The following CACNB4 variants were observed in gnomAD, a reference collection of about 807,000 sequenced individuals.
CACNB4 encodes the protein calcium voltage-gated channel auxiliary subunit beta 4.
A neutral mutation model predicts 71.2 loss-of-function variants in CACNB4; 32 were observed. That is an observed-to-expected ratio of 0.45 (90% confidence interval 0.34 to 0.60). CACNB4 has a LOEUF of 0.60. Ranked by LOEUF, CACNB4 falls within the 20% of genes least tolerant of loss-of-function variation. The probability of loss-of-function intolerance (pLI) is 0.01; values close to 1 mark genes in which losing one functional copy is unlikely to be tolerated. For synonymous variants in CACNB4, 231 were observed against 236.9 expected (o/e 0.97, Z 0.23); for missense variants, 464 against 647.9 (o/e 0.72, Z 3.08).
At chr2:151,978,405 G>A (rs994283523) in intron 2 of CACNB4, among the ~76,000 whole-genome samples, 3 of 152,042 alleles carry the variant, frequency 2.0e-5, no homozygotes, top group African/African-American at 7.2e-5. Flanking sequence ...CCATGTGAAT[G>A]GTCCTCCCTG....
In CACNB4 at chr2:152,026,543, C is replaced by T. The variant is rs1290603275; in HGVS notation, c.147+71787G>A. The stretch of plus-strand genomic sequence containing the variant: ...GGGAATACAGGTGCATGCCACCACG[C>T]GCAGCTAATTTTTGTACTTTTAGCA... On this transcript the variant is annotated intron_variant, in intron 2 of 13. Transcript: ENST00000539935. 2.0e-5 allele frequency among the ~76,000 whole-genome samples: 3 copies of T among 152,046 alleles called. No individual in the cohort carries two copies. The East Asian group carries it at 5.8e-4, about 29-fold the overall frequency.
At chr2:151,969,553 C>T (rs1206403261) in intron 2 of CACNB4, 1 of 152,162 alleles carries the variant, frequency 6.6e-6, no homozygotes, top group East Asian at 1.9e-4. Context: ...AAAAGCTCCA[C>T]AGTAGACATC....
At chr2:151,847,408 A>G (rs1342236122) in intron 12 of CACNB4, among the ~76,000 whole-genome samples, 1 of 152,140 alleles carries the variant, frequency 6.6e-6, no homozygotes, top group Non-Finnish European at 1.5e-5. Flanking sequence ...AAGACTGGCA[A>G]GTACTGTTCA....
intron 2 of CACNB4, among the ~76,000 whole-genome samples, chr2:152,081,826 A>G (rs991621533): frequency 6.6e-6 from 1 of 152,256 alleles, no homozygotes; most frequent in Non-Finnish European, 1.5e-5. Context: ...TCATCTTTGC[A>G]ATAAAGGCAA....
rs540038350 is a variant in CACNB4, at chr2:151,847,264, C to A, written c.1117-5176G>T. On this transcript the variant is annotated intron_variant, in intron 12 of 13. Coordinates refer to ENST00000539935, the MANE Select transcript of CACNB4 (RefSeq NM_000726.5). ...GCTTAGTGGCATATTCCTATGGACC[C>A]AGCTACTGGGGAGGCTGAGGTAGAA... 4.6e-5 allele frequency among the ~76,000 whole-genome samples: 7 copies of A among 152,126 alleles called. No individual in the cohort carries two copies. The East Asian group carries it at 1.4e-3, about 29-fold the overall frequency.
Position 152,098,584 on chromosome 2 carries a change from ACT to A in CACNB4, c.64-173_64-172del. ...ATACAGCCCCCACCCCCACCCACCC[ACT>A]GCAAGCCTCGACTGCTGAAAAGATG... On this transcript the variant is annotated intron_variant, in intron 1 of 13. Coordinates refer to ENST00000539935, the MANE Select transcript of CACNB4 (RefSeq NM_000726.5). This position sits in a 1 kb window ranked among gnomAD's most constrained non-coding sequence, Gnocchi z 5.3. 3 of 479,634 alleles carry A rather than the reference ACT, an allele frequency of 6.3e-6. No homozygotes were observed. Among genetic ancestry groups the A allele is most frequent in the Non-Finnish European group, 1.1e-5 (3 of 263,192 alleles). The allele number at this position is 479,634 out of a possible 1,614,324, so 29.7% of individuals were successfully genotyped here. A position where few individuals can be genotyped will look rare whatever the true frequency, so the allele number is the denominator to read the frequency against.
intron 2 of CACNB4, among the ~76,000 whole-genome samples, chr2:151,929,461 A>G (rs2099861093): frequency 6.6e-6 from 1 of 152,238 alleles, no homozygotes; most frequent in African/African-American, 2.4e-5. Context: ...TTAATGACCC[A>G]CAAATGGGTT....
intron 2 of CACNB4, among the ~76,000 whole-genome samples, chr2:151,992,183 A>G (rs1293853012): frequency 2.0e-5 from 3 of 152,240 alleles, no homozygotes; most frequent in Admixed American, 6.5e-5. Flanking sequence ...GAAGGCAAAC[A>G]GGCTGGATGC....
chr2:151,870,368 C>G (rs779271530), intron 8 of CACNB4, 163 bp downstream of exon 8: 17 of 709,636 alleles, frequency 2.4e-5, no homozygotes, highest in Non-Finnish European at 3.9e-5. Context: ...AAAGAAAGGG[C>G]AGAGGGCCTC....
intron 2 of CACNB4, among the ~76,000 whole-genome samples, chr2:151,893,469 T>G (rs1346908892): frequency 6.6e-6 from 1 of 152,168 alleles, no homozygotes; most frequent in East Asian, 1.9e-4. Context: ...CTCGAACTCC[T>G]GAACTCAAGC....
chr2:151,966,372 C>G (rs1198193627), intron 2 of CACNB4, among the ~76,000 whole-genome samples: 1 of 152,110 alleles, frequency 6.6e-6, no homozygotes, highest in Non-Finnish European at 1.5e-5. Flanking sequence ...CTCTGCCTCC[C>G]AGGGTTCAAG....
intron 2 of CACNB4, among the ~76,000 whole-genome samples, chr2:151,964,732 T>C (rs773432416): frequency 5.9e-5 from 9 of 152,214 alleles, no homozygotes; most frequent in Non-Finnish European, 1.2e-4. Flanking sequence ...AATACCGCCA[T>C]TGGCACTCTA....
At chr2:151,899,208 T>A (rs2099852802) in intron 2 of CACNB4, among the ~76,000 whole-genome samples, 1 of 152,188 alleles carries the variant, frequency 6.6e-6, no homozygotes. Context: ...TTCAAGAAAT[T>A]CACACTCAGT....
intron 2 of CACNB4, among the ~76,000 whole-genome samples, chr2:151,924,556 T>C (rs113367583): frequency 0.013 from 1,950 of 151,664 alleles, 47 homozygotes; most frequent in African/African-American, 0.045. Flanking sequence ...ATAGTATATA[T>C]ATATAATTAC....
intron 2 of CACNB4, among the ~76,000 whole-genome samples, chr2:151,892,934 T>C (rs936044433): frequency 6.6e-6 from 1 of 152,174 alleles, no homozygotes; most frequent in African/African-American, 2.4e-5. Flanking sequence ...AATTTTAACT[T>C]GACAGAATGC....
In CACNB4 at chr2:151,987,028, G is replaced by T. The variant is rs138181632; in HGVS notation, c.148-103658C>A. Among the ~76,000 whole-genome samples the T allele has an allele frequency of 2.0e-5, 3 of 152,266 alleles. No homozygotes were observed. In the East Asian group the frequency reaches 5.8e-4, roughly 29 times the overall value. ...AAGTGCTGACAACCAGTGCGCTGTTGGGTCAAATGCAAAGAGGAAACTGAA... is the reference window on the plus strand; with the variant it reads ...AAGTGCTGACAACCAGTGCGCTGTTTGGTCAAATGCAAAGAGGAAACTGAA... On this transcript the variant is annotated intron_variant, in intron 2 of 13. Coordinates refer to ENST00000539935, the MANE Select transcript of CACNB4 (RefSeq NM_000726.5).
chr2:151,967,868 A>G (rs1013239133), intron 2 of CACNB4: 1 of 152,258 alleles, frequency 6.6e-6, no homozygotes, highest in African/African-American at 2.4e-5. Context: ...GGACACAGGA[A>G]GTACTGATAA....
At chr2:152,037,613 C>A (rs1376573139) in intron 2 of CACNB4, among the ~76,000 whole-genome samples, 1 of 152,198 alleles carries the variant, frequency 6.6e-6, no homozygotes, top group Non-Finnish European at 1.5e-5. Flanking sequence ...TCCCAGTGAG[C>A]CTAAATTTTT....
chr2:152,009,634 A>G (rs746775482), intron 2 of CACNB4, among the ~76,000 whole-genome samples: 7 of 152,224 alleles, frequency 4.6e-5, no homozygotes, highest in Non-Finnish European at 1.0e-4. Flanking sequence ...AGGTATCAAG[A>G]TGACCCTCAG....
Sources: allele counts gnomAD v4.1 joint callset (sites outside exome capture counted in the v4.1 genomes callset), GRCh38; gene constraint gnomAD v4.1.1; non-coding constraint Gnocchi (gnomAD v3.1); transcripts MANE v1.5; gene names NCBI Gene and HGNC (gene_info 2026-07-23, HGNC 2026-07-21).